PDYN: variants seen among roughly 807,000 people sequenced by gnomAD.
PDYN encodes the protein proenkephalin-B.
PDYN carries 5 observed loss-of-function variants against 11.4 expected under a neutral mutation model. That is an observed-to-expected ratio of 0.44 (90% CI 0.23 to 0.92). PDYN has a LOEUF of 0.92. Ranked by LOEUF, PDYN falls within the 40% of genes least tolerant of loss-of-function variation. PDYN has a pLI of 0.24. For missense variants in PDYN, 337 were observed against 317.3 expected, an observed-to-expected ratio of 1.06 and a Z score of -0.47; for synonymous variants, 132 against 129.5, an observed-to-expected ratio of 1.02 and a Z score of -0.13.
At chr20:1,989,839 G>T (rs1409090156) in intron 2 of PDYN, among the ~76,000 whole-genome samples, 1 of 152,182 alleles carries the variant, frequency 6.6e-6, no homozygotes, top group Non-Finnish European at 1.5e-5. Context: ...TTGTTTCAAT[G>T]ACCCTGCAAT....
chr20:1,980,926 C>T lies in PDYN; in HGVS notation c.162G>A (p.Leu54=), dbSNP rs368889501. Residue 54 remains leucine (L), a synonymous_variant, in exon 4 of 4, where the codon CTG becomes CTA. Coordinates refer to ENST00000217305, the MANE Select transcript of PDYN (RefSeq NM_024411.5). The stretch of plus-strand genomic sequence containing the variant: ...GGCATCTCTCCCATTCCTCAGAGGG[C>T]AGCAGGGCAGCCTGGCATTGCAGGG... ...ICSLQCQAAL[L]PSEEWERCQS... The T allele has an allele frequency of 4.5e-5, 73 of 1,614,048 alleles. No individual in the cohort carries two copies. Among genetic ancestry groups the T allele is most frequent in the Non-Finnish European group, 6.2e-5 (73 of 1,180,050 alleles).
At chr20:1,987,189 A>C (rs1988226379) in intron 2 of PDYN, among the ~76,000 whole-genome samples, 1 of 152,142 alleles carries the variant, frequency 6.6e-6, no homozygotes, top group Admixed American at 6.5e-5. Flanking sequence ...CTCATAGGCC[A>C]AGGGAGAGTT....
Position 1,980,647 on chromosome 20 carries a change from C to T in PDYN, c.441G>A (p.Arg147=). The T allele has an allele frequency of 2.5e-6, 4 of 1,614,150 alleles. No individual in the cohort carries two copies. Among genetic ancestry groups the T allele is most frequent in the East Asian group, 2.2e-5 (1 of 44,870 alleles). ...TGGCACCATCGTTCAGCTGGGCATCCCTCATCAGCTCAGACTCTGCTCCCT... is the reference window on the plus strand; with the variant it reads ...TGGCACCATCGTTCAGCTGGGCATCTCTCATCAGCTCAGACTCTGCTCCCT... ...FREGAESELM[R]DAQLNDGAME... The change falls in exon 4 of 4, where the codon AGG becomes AGA. Residue 147 remains arginine, a synonymous_variant. Coordinates refer to ENST00000217305, the MANE Select transcript of PDYN (RefSeq NM_024411.5).
chr20:1,990,352 C>A (rs189757565), intron 2 of PDYN, among the ~76,000 whole-genome samples: 2 of 152,318 alleles, frequency 1.3e-5, no homozygotes, highest in East Asian at 3.9e-4. Flanking sequence ...ACGTTGAAAC[C>A]ATTTCAGAAG....
intron 2 of PDYN, among the ~76,000 whole-genome samples, chr20:1,989,948 T>C (rs1007743703): frequency 6.6e-6 from 1 of 152,084 alleles, no homozygotes; most frequent in African/African-American, 2.4e-5. Flanking sequence ...CAGGGGCTAA[T>C]ATTACAGCTT....
chr20:1,987,098 G>T (rs1182333141), intron 2 of PDYN, among the ~76,000 whole-genome samples: 1 of 152,174 alleles, frequency 6.6e-6, no homozygotes, highest in Non-Finnish European at 1.5e-5. Context: ...ATGACAAAGA[G>T]GCCAGGGTGC....
At chr20:1,991,644 G>C (rs1988453967) in intron 2 of PDYN, among the ~76,000 whole-genome samples, 1 of 152,234 alleles carries the variant, frequency 6.6e-6, no homozygotes, top group African/African-American at 2.4e-5. Flanking sequence ...ACATTCATGG[G>C]CTGAGATGAG....
intron 2 of PDYN, among the ~76,000 whole-genome samples, 197 bp from the exon 3 acceptor site, chr20:1,983,300 A>G (rs564470123): frequency 1.0e-3 from 154 of 152,282 alleles, no homozygotes; most frequent in African/African-American, 3.6e-3. Context: ...GGGAATGAGC[A>G]CCCACTGTAT....
In PDYN at chr20:1,980,918, T is replaced by A; in HGVS notation, c.170A>T (p.Glu57Val). Residue 57 changes from glutamate (E) to valine (V), a missense_variant, in exon 4 of 4, where the codon GAG becomes GTG. Physicochemically the swap from Glu to Val is moderately radical, Grantham distance 121 (BLOSUM62 -2). Coordinates refer to ENST00000217305, the MANE Select transcript of PDYN (RefSeq NM_024411.5). ...AAAGCTCTGGCATCTCTCCCATTCC[T>A]CAGAGGGCAGCAGGGCAGCCTGGCA... ...LQCQAALLPS[E>V]EWERCQSFLS... 6.2e-7 allele frequency: 1 copy of A among 1,614,102 alleles called. No homozygotes were observed. The highest frequency in any genetic ancestry group is 8.5e-7 in the Non-Finnish European group (1 of 1,180,022).
intron 2 of PDYN, among the ~76,000 whole-genome samples, chr20:1,990,478 C>T (rs943243941): frequency 6.6e-5 from 10 of 152,156 alleles, no homozygotes; most frequent in Admixed American, 3.9e-4. Flanking sequence ...AGCATCGTAA[C>T]GAAAGACGAA....
rs754282642 is a variant in PDYN, at chr20:1,980,273, T to C, written c.*50A>G. On this transcript the variant is annotated 3_prime_UTR_variant, in exon 4 of 4. Coordinates refer to ENST00000217305, the MANE Select transcript of PDYN (RefSeq NM_024411.5). ...GAGGATGAATGAATGCACTCCAACC[T>C]GAAAAGGTGTCAGGGGTTTCTCCTG... 1.3e-6 allele frequency: 2 copies of C among 1,591,568 alleles called. No individual in the cohort carries two copies. The highest frequency in any genetic ancestry group is 2.2e-5 in the East Asian group (1 of 44,764).
chr20:1,992,844 G>C (rs1988510608), intron 1 of PDYN, among the ~76,000 whole-genome samples: 1 of 152,172 alleles, frequency 6.6e-6, no homozygotes, highest in Non-Finnish European at 1.5e-5. Flanking sequence ...GTATATTTCA[G>C]CAACCCTTGG....
chr20:1,983,034 G>T lies in PDYN; in HGVS notation c.51C>A (p.Ser17=), dbSNP rs1254540304. The change falls in exon 3 of 4, where the codon TCC becomes TCA. Residue 17 remains serine (S), a synonymous_variant. Coordinates refer to ENST00000217305, the MANE Select transcript of PDYN (RefSeq NM_024411.5). ...ACCGCGACAGGCAGTCCGCTGTGGT[G>T]GAGGGGAACATGAGGAGGCAGGCAG... The part of the protein sequence containing the change: ...VLAACLLMFP[S]TTADCLSRCS... 6.2e-7 allele frequency: 1 copy of T among 1,613,980 alleles called. No homozygotes were observed. The highest frequency in any genetic ancestry group is 2.2e-5 in the East Asian group (1 of 44,874).
chr20:1,989,005 T>G (rs976181403), intron 2 of PDYN, among the ~76,000 whole-genome samples: 1 of 152,236 alleles, frequency 6.6e-6, no homozygotes, highest in African/African-American at 2.4e-5. Flanking sequence ...AAACAGAGAC[T>G]GTAGGGCCAA....
At chr20:1,982,935 A>G (rs1312263259) in intron 3 of PDYN, 21 bp downstream of exon 3, 1 of 1,612,368 alleles carries the variant, frequency 6.2e-7, no homozygotes, top group South Asian at 1.1e-5. Flanking sequence ...TGGGCATTGA[A>G]GAACCTTGCC....
intron 2 of PDYN, among the ~76,000 whole-genome samples, chr20:1,990,015 A>G (rs1386041714): frequency 6.6e-6 from 1 of 152,226 alleles, no homozygotes; most frequent in South Asian, 2.1e-4. Flanking sequence ...GTGGTCACAG[A>G]GCATGGCAGA....
At chr20:1,987,350 A>G (rs1041587029) in intron 2 of PDYN, among the ~76,000 whole-genome samples, 6 of 151,042 alleles carry the variant, frequency 4.0e-5, no homozygotes, top group Admixed American at 3.9e-4. Context: ...GAAAATAAAC[A>G]GGCAATATTT....
chr20:1,984,477 C>T (rs1465158387), intron 2 of PDYN, among the ~76,000 whole-genome samples: 2 of 152,168 alleles, frequency 1.3e-5, no homozygotes, highest in Non-Finnish European at 2.9e-5. Context: ...AGAATGTTAG[C>T]TCCTTGGGGA....
chr20:1,984,313 C>T (rs1219313984), intron 2 of PDYN, among the ~76,000 whole-genome samples: 1 of 152,170 alleles, frequency 6.6e-6, no homozygotes, highest in East Asian at 1.9e-4. Flanking sequence ...GGCAGAGAGG[C>T]ATTTACTGAT....
Sources: allele counts gnomAD v4.1 joint callset (sites outside exome capture counted in the v4.1 genomes callset), GRCh38; gene constraint gnomAD v4.1.1; transcripts MANE v1.5; gene names NCBI Gene and HGNC (gene_info 2026-07-23, HGNC 2026-07-21).